The following UBN2 variants were observed in gnomAD, a reference collection of about 807,000 sequenced individuals.
UBN2 encodes ubinuclein-2.
Under a neutral mutation model 120.2 loss-of-function variants are expected in UBN2, and 35 were observed. That is an observed-to-expected ratio of 0.29 (90% CI 0.22 to 0.39). UBN2 has a LOEUF of 0.39. Among genes scored for constraint, UBN2 ranks in the 10% least tolerant of loss-of-function variants. UBN2 has a pLI of 1.00. For missense variants in UBN2, 1,693 were observed against 1,663.2 expected (o/e 1.02, Z -0.31); for synonymous variants, 661 against 648.7 (o/e 1.02, Z -0.29).
the UBN2 span, among the ~76,000 whole-genome samples, chr7:139,330,184 A>G: frequency 6.6e-6 from 1 of 152,214 alleles, no homozygotes; most frequent in Non-Finnish European, 1.5e-5. Flanking sequence ...TTTGCTTCAA[A>G]TGTACATCAC....
Position 139,283,369 on chromosome 7 carries a change from G to C in UBN2, c.2464G>C (p.Asp822His). Residue 822 changes from aspartate to histidine, a missense_variant, in exon 15 of 18, where the codon GAT becomes CAT. By Grantham distance (81) the Asp-to-His change is moderately conservative. Transcript: ENST00000473989. ...GCCACTAGCTACTCCCAAAAAACTA[G>C]ATTCTACTCAGACTACACATTCTTC... ...KLPLATPKKLDSTQTTHSSSL... is the reference protein window; with the variant it reads ...KLPLATPKKLHSTQTTHSSSL... 6.2e-7 allele frequency: 1 copy of C among 1,613,998 alleles called. No individual in the cohort carries two copies. The highest frequency in any genetic ancestry group is 1.7e-5 in the Admixed American group (1 of 59,992).
chr7:139,232,932 G>T (rs908686495), intron 1 of UBN2, among the ~76,000 whole-genome samples: 1 of 152,184 alleles, frequency 6.6e-6, no homozygotes, highest in Non-Finnish European at 1.5e-5. Context: ...AAAAGGAAAT[G>T]ATAGATTAAC....
downstream of UBN2, among the ~76,000 whole-genome samples, chr7:139,311,356 GTC>G (rs2131103283): frequency 6.6e-6 from 1 of 152,272 alleles, no homozygotes; most frequent in South Asian, 2.1e-4. Context: ...TGTCTCTGTT[GTC>G]TCTGTGTTTG....
At chr7:139,245,235 C>T (rs1277424849) in intron 2 of UBN2, among the ~76,000 whole-genome samples, 1 of 151,820 alleles carries the variant, frequency 6.6e-6, no homozygotes, top group Non-Finnish European at 1.5e-5. Flanking sequence ...CCACCTCGCC[C>T]AGCCTACCAC....
chr7:139,244,055 T>C (rs1177141768), intron 2 of UBN2, among the ~76,000 whole-genome samples: 1 of 152,158 alleles, frequency 6.6e-6, no homozygotes, highest in Admixed American at 6.5e-5. Flanking sequence ...AAGCTAATGA[T>C]AGAAAGTAAA....
At chr7:139,292,380 G>A (rs377195463) in intron 15 of UBN2, among the ~76,000 whole-genome samples, 7 of 152,108 alleles carry the variant, frequency 4.6e-5, no homozygotes, top group East Asian at 1.9e-4. Context: ...ATATGTTAGC[G>A]TATCTCTGAT....
chr7:139,289,000 CAAAA>C (rs200360523), intron 15 of UBN2, among the ~76,000 whole-genome samples: 1 of 66,704 alleles, frequency 1.5e-5, no homozygotes, highest in African/African-American at 4.4e-5. Context: ...GACGCCATCT[CAAAA>C]AAAAAAAAAA....
intron 3 of UBN2, among the ~76,000 whole-genome samples, chr7:139,255,449 A>G (rs1016001399): frequency 6.6e-6 from 1 of 152,164 alleles, no homozygotes; most frequent in Non-Finnish European, 1.5e-5. Flanking sequence ...GGCTGTGGTG[A>G]AGAAAAGTGG....
At chr7:139,276,409 TTCC>T in intron 12 of UBN2, 1 of 451,828 alleles carries the variant, frequency 2.2e-6, no homozygotes, top group South Asian at 2.5e-5. Flanking sequence ...TTTTCCTTTG[TTCC>T]TGGGCCTTCT....
At position 139,284,371 on chromosome 7, in the gene UBN2, G is replaced by A. The variant is rs543897150; in HGVS notation, c.3466G>A (p.Gly1156Arg). The A allele has an allele frequency of 5.0e-6, 8 of 1,614,188 alleles. No homozygotes were observed. The African/African-American group carries it at 1.1e-4, about 22-fold the overall frequency. Reference protein sequence around the residue: ...PSKLTNSSSTGTVGKNSLSGI... With the variant: ...PSKLTNSSSTRTVGKNSLSGI... ...AAAGCTAACAAACTCATCATCCACT[G>A]GAACTGTTGGGAAGAACAGCTTGAG... Residue 1156 changes from glycine to arginine, a missense_variant, in exon 15 of 18, where the codon GGA becomes AGA. Physicochemically the swap from Gly to Arg is moderately radical, Grantham distance 125. Coordinates refer to ENST00000473989, the MANE Select transcript of UBN2 (RefSeq NM_173569.4).
At position 139,302,651 on chromosome 7, in the gene UBN2, C is replaced by T. The variant is rs1363168878; in HGVS notation, c.*4815C>T. The T allele has an allele frequency of 1.3e-5, 2 of 152,202 alleles. No individual in the cohort carries two copies. The highest frequency in any genetic ancestry group is 2.9e-5 in the Non-Finnish European group (2 of 68,078). 9.4% of individuals were successfully genotyped at this position (152,202 alleles called of 1,614,324 possible). Reference sequence around the variant, plus strand: ...AGTGAGCTGAGATCGCGCCACTGCACTCCAGCCTGGGCGACAGAGCAAGAC... The same window carrying T: ...AGTGAGCTGAGATCGCGCCACTGCATTCCAGCCTGGGCGACAGAGCAAGAC... On this transcript the variant is annotated 3_prime_UTR_variant, in exon 18 of 18. Coordinates refer to ENST00000473989, the MANE Select transcript of UBN2 (RefSeq NM_173569.4).
the UBN2 span, among the ~76,000 whole-genome samples, chr7:139,315,950 G>A: frequency 2.0e-5 from 3 of 151,886 alleles, no homozygotes; most frequent in African/African-American, 4.8e-5. Context: ...GGTGGCAGGC[G>A]CCTGTAATCC....
At chr7:139,273,894 T>TA (rs35539520) in intron 10 of UBN2, 37 bp from the exon 11 acceptor site, 21 of 1,540,682 alleles carry the variant, frequency 1.4e-5, no homozygotes, top group South Asian at 9.9e-5. Flanking sequence ...TATGTTCTTC[T>TA]AAAAAAAGTT....
chr7:139,241,120 T>C (rs1796308007), intron 2 of UBN2, among the ~76,000 whole-genome samples: 1 of 152,184 alleles, frequency 6.6e-6, no homozygotes, highest in Non-Finnish European at 1.5e-5. Flanking sequence ...ACCTATACTC[T>C]ATACTCAGGA....
Position 139,284,653 on chromosome 7 carries a change from C to G in UBN2, c.3669+79C>G, listed in dbSNP as rs943960987. ...CTTTCTTGTGGGTAACTTTAATAAG[C>G]TTTTTATGATATGTGGATTGTTCTC... On this transcript the variant is annotated intron_variant, in intron 15 of 17. Coordinates refer to ENST00000473989, the MANE Select transcript of UBN2 (RefSeq NM_173569.4). 1.7e-5 allele frequency: 22 copies of G among 1,260,084 alleles called. No individual in the cohort carries two copies. In the Middle Eastern group the frequency reaches 1.4e-3, roughly 81 times the overall value. The allele number at this position is 1,260,084 out of a possible 1,614,324, so 78.1% of individuals were successfully genotyped here. A position where few individuals can be genotyped will look rare whatever the true frequency, so the allele number is the denominator to read the frequency against.
intron 2 of UBN2, among the ~76,000 whole-genome samples, chr7:139,244,116 CTG>C (rs776144408): frequency 6.6e-6 from 1 of 152,198 alleles, no homozygotes; most frequent in Admixed American, 6.5e-5. Flanking sequence ...CTTAGAGACA[CTG>C]TGAGTTTCTT....
intron 2 of UBN2, among the ~76,000 whole-genome samples, chr7:139,248,685 G>C (rs542398029): frequency 6.6e-6 from 1 of 152,026 alleles, no homozygotes; most frequent in Admixed American, 6.5e-5. Flanking sequence ...TATGTGGCAG[G>C]ACTAGTCCTC....
chr7:139,290,787 G>A (rs1436280390), intron 15 of UBN2, among the ~76,000 whole-genome samples: 1 of 152,158 alleles, frequency 6.6e-6, no homozygotes, highest in Non-Finnish European at 1.5e-5. Flanking sequence ...CCAGGAAGAA[G>A]GCTGCTTGCG....
At position 139,272,405 on chromosome 7, in the gene UBN2, G is replaced by C; in HGVS notation, c.1680G>C (p.Glu560Asp). ...CTGAACAGCTATTTAAATACCAGGAGGACTGCCAGGCTCGTAGTCAAGCTA... is the reference window on the plus strand; with the variant it reads ...CTGAACAGCTATTTAAATACCAGGACGACTGCCAGGCTCGTAGTCAAGCTA... ...VMPEQLFKYQ[E>D]DCQARSQAKC... Residue 560 changes from glutamate to aspartate, a missense_variant, in exon 9 of 18, where the codon GAG becomes GAC. Physicochemically the swap from Glu to Asp is conservative, Grantham distance 45. Transcript: ENST00000473989. 1 of 1,613,626 alleles carries C rather than the reference G, an allele frequency of 6.2e-7. No homozygotes were observed. The highest frequency in any genetic ancestry group is 8.5e-7 in the Non-Finnish European group (1 of 1,179,896).
Sources: gnomAD v4.1 joint callset for allele counts (sites outside exome capture counted in the v4.1 genomes callset) on GRCh38, gnomAD v4.1.1 for gene constraint, MANE v1.5 for transcripts, NCBI Gene and HGNC (gene_info 2026-07-23, HGNC 2026-07-21) for gene names.